The following ROBO2 variants were observed in gnomAD, a reference collection of about 807,000 sequenced individuals.
ROBO2 encodes the protein roundabout homolog 2.
ROBO2 carries 53 observed loss-of-function variants against 160.8 expected under a neutral mutation model. The ratio of observed to expected loss-of-function variants is 0.33; its 90% CI spans 0.26 to 0.41. The LOEUF is 0.41. Ranked by LOEUF, ROBO2 falls within the 10% of genes least tolerant of loss-of-function variation. The probability of loss-of-function intolerance (pLI) is 1.00; values close to 1 mark genes in which losing one functional copy is unlikely to be tolerated. For synonymous variants in ROBO2, 664 were observed against 611.7 expected, an observed-to-expected ratio of 1.09 and a Z score of -1.26; for missense variants, 1,577 against 1,722.4, an observed-to-expected ratio of 0.92 and a Z score of 1.49.
intron 2 of ROBO2, among the ~76,000 whole-genome samples, chr3:76,416,923 C>A (rs1043824432): frequency 6.6e-5 from 10 of 152,122 alleles, no homozygotes; most frequent in African/African-American, 2.2e-4. Context: ...TTTAAAAGAT[C>A]ACCACATTAT....
At chr3:76,030,882 A>G (rs1027770582) in intron 2 of ROBO2, among the ~76,000 whole-genome samples, 4 of 152,144 alleles carry the variant, frequency 2.6e-5, no homozygotes, top group African/African-American at 9.7e-5. Flanking sequence ...ACTTTAAAGT[A>G]GTTTTTTCCA....
At chr3:76,921,187 T>A (rs1465035523) in intron 2 of ROBO2, among the ~76,000 whole-genome samples, 4 of 152,222 alleles carry the variant, frequency 2.6e-5, no homozygotes, top group Non-Finnish European at 5.9e-5. Flanking sequence ...ATGCCTTCTA[T>A]CATCAGTGAA....
At chr3:77,524,699 A>C (rs1200319391) in intron 6 of ROBO2, among the ~76,000 whole-genome samples, 1 of 151,416 alleles carries the variant, frequency 6.6e-6, no homozygotes, top group Non-Finnish European at 1.5e-5. Context: ...TTTCAGGCTT[A>C]ACATTTCATT....
intron 2 of ROBO2, among the ~76,000 whole-genome samples, chr3:77,222,277 A>G (rs1275618490): frequency 1.3e-5 from 2 of 152,230 alleles, no homozygotes; most frequent in African/African-American, 4.8e-5. Context: ...ATAGAAATAT[A>G]CTACATTGTC....
At chr3:76,091,658 A>C (rs1220536056) in intron 2 of ROBO2, among the ~76,000 whole-genome samples, 6 of 152,336 alleles carry the variant, frequency 3.9e-5, no homozygotes, top group African/African-American at 1.2e-4. Context: ...CATAATTGCC[A>C]AAATTTGGAA....
intron 8 of ROBO2, among the ~76,000 whole-genome samples, chr3:77,551,747 A>C (rs2153654178): frequency 6.6e-6 from 1 of 152,056 alleles, no homozygotes; most frequent in South Asian, 2.1e-4. Flanking sequence ...TTTCTCCCCT[A>C]ATGCTGGCTT....
intron 2 of ROBO2, among the ~76,000 whole-genome samples, chr3:76,876,883 C>A (rs1398168634): frequency 6.6e-6 from 1 of 152,108 alleles, no homozygotes; most frequent in Non-Finnish European, 1.5e-5. Context: ...TCATTAAGAA[C>A]TATTGCTCTG....
intron 2 of ROBO2, among the ~76,000 whole-genome samples, chr3:76,843,241 A>G (rs1419217513): frequency 6.7e-6 from 1 of 150,274 alleles, no homozygotes; most frequent in Non-Finnish European, 1.5e-5. Flanking sequence ...TTTATTTGCT[A>G]AATGTAATAT....
chr3:75,943,696 T>G (rs1221869076), intron 2 of ROBO2, among the ~76,000 whole-genome samples: 1 of 152,058 alleles, frequency 6.6e-6, no homozygotes, highest in Non-Finnish European at 1.5e-5. Context: ...TTTTTTTGTT[T>G]GTTTGTTTGT....
At chr3:77,016,101 C>T (rs937038759) in intron 2 of ROBO2, among the ~76,000 whole-genome samples, 4 of 151,980 alleles carry the variant, frequency 2.6e-5, no homozygotes, top group African/African-American at 9.7e-5. Flanking sequence ...CTCAGCCTCC[C>T]GAGTAGCTGG....
At chr3:76,777,082 A>G (rs1388251133) in intron 2 of ROBO2, among the ~76,000 whole-genome samples, 5 of 151,086 alleles carry the variant, frequency 3.3e-5, no homozygotes, top group Admixed American at 6.6e-5. Context: ...TTTAACTACA[A>G]AACATAAAGG....
intron 2 of ROBO2, among the ~76,000 whole-genome samples, chr3:76,623,087 A>T (rs1275350486): frequency 2.8e-4 from 3 of 10,682 alleles, no homozygotes; most frequent in Non-Finnish European, 1.9e-3. Flanking sequence ...TCAGGCGTAA[A>T]AGTAGTTATG....
chr3:77,082,963 A>T (rs1470372613), intron 1 of ROBO2, among the ~76,000 whole-genome samples: 2 of 152,090 alleles, frequency 1.3e-5, no homozygotes, highest in East Asian at 3.9e-4. Context: ...TGCCTCCATC[A>T]TCATTTCGGG....
intron 2 of ROBO2, among the ~76,000 whole-genome samples, chr3:76,889,390 T>A (rs1462329858): frequency 1.3e-5 from 2 of 152,190 alleles, no homozygotes; most frequent in Non-Finnish European, 2.9e-5. Flanking sequence ...AAAATTTACC[T>A]GGGATATTAG....
At chr3:76,368,834 T>C (rs1449625165) in intron 2 of ROBO2, among the ~76,000 whole-genome samples, 5 of 151,966 alleles carry the variant, frequency 3.3e-5, no homozygotes, top group African/African-American at 1.2e-4. Flanking sequence ...AGACTAAAGA[T>C]ACCTTGCGAT....
In ROBO2 at chr3:76,691,608, C is replaced by T. The variant is rs116492484; in HGVS notation, c.110-406406C>T. ...GAGAATGAATGTGAAAATAATAATTCAGATGTGAAGTGGTTCTGGACAATG... is the reference window on the plus strand; with the variant it reads ...GAGAATGAATGTGAAAATAATAATTTAGATGTGAAGTGGTTCTGGACAATG... On this transcript the variant is annotated intron_variant, in intron 2 of 26. Transcript: ENST00000487694. Among the ~76,000 whole-genome samples, 511 of 152,168 alleles carry T rather than the reference C, an allele frequency of 3.4e-3. 3 individuals are homozygous for T. Among genetic ancestry groups the T allele is most frequent in the African/African-American group, 0.012 (484 of 41,532 alleles).
At chr3:77,152,517 A>G (rs1236385387) in intron 2 of ROBO2, among the ~76,000 whole-genome samples, 1 of 152,142 alleles carries the variant, frequency 6.6e-6, no homozygotes, top group Admixed American at 6.5e-5. Context: ...GGATAGTGCC[A>G]CTCTAAGACC....
chr3:77,482,111 G>GTA (rs1250615149), intron 4 of ROBO2, among the ~76,000 whole-genome samples: 1 of 152,072 alleles, frequency 6.6e-6, no homozygotes, highest in African/African-American at 2.4e-5. Flanking sequence ...ATGTATGTAT[G>GTA]TGTATGTACA....
At chr3:76,153,783 G>A (rs906119762) in intron 2 of ROBO2, among the ~76,000 whole-genome samples, 1 of 152,100 alleles carries the variant, frequency 6.6e-6, no homozygotes, top group African/African-American at 2.4e-5. Flanking sequence ...CCTACAGAGA[G>A]ATCTTGGGAT....
Sources: allele counts gnomAD v4.1 joint callset (sites outside exome capture counted in the v4.1 genomes callset), GRCh38; gene constraint gnomAD v4.1.1; transcripts MANE v1.5; gene names NCBI Gene and HGNC (gene_info 2026-07-23, HGNC 2026-07-21).